The following TAX1BP1 variants were observed in gnomAD, a reference collection of about 807,000 sequenced individuals.
The protein encoded by TAX1BP1 is Tax1 binding protein 1, also known as tax1-binding protein 1.
A neutral mutation model predicts 97.7 loss-of-function variants in TAX1BP1; 62 were observed. That is an observed-to-expected ratio of 0.63 (90% CI 0.52 to 0.78). TAX1BP1 has a LOEUF of 0.78. TAX1BP1 is among the 30% of genes least tolerant of loss of function. The pLI is 0.00. For synonymous variants in TAX1BP1, 340 were observed against 304.2 expected (o/e 1.12, Z -1.23); for missense variants, 867 against 916.1 (o/e 0.95, Z 0.69).
At chr7:27,782,117 T>C (rs1166582985) in intron 5 of TAX1BP1, among the ~76,000 whole-genome samples, 1 of 152,236 alleles carries the variant, frequency 6.6e-6, no homozygotes, top group African/African-American at 2.4e-5. Flanking sequence ...TTGATTCTTT[T>C]GAAATAACAT....
chr7:27,756,644 A>C (rs1037781759), intron 2 of TAX1BP1, among the ~76,000 whole-genome samples: 1 of 152,152 alleles, frequency 6.6e-6, no homozygotes, highest in African/African-American at 2.4e-5. Context: ...CTATGCTCTT[A>C]GTTATTACAA....
intron 3 of TAX1BP1, among the ~76,000 whole-genome samples, chr7:27,760,433 C>G (rs1788381239): frequency 6.8e-6 from 1 of 147,244 alleles, no homozygotes; most frequent in African/African-American, 2.5e-5. Flanking sequence ...TGCTCTGTCT[C>G]CCAGGCTGGA....
At chr7:27,774,398 G>A (rs984842975) in intron 5 of TAX1BP1, among the ~76,000 whole-genome samples, 1 of 152,090 alleles carries the variant, frequency 6.6e-6, no homozygotes, top group Non-Finnish European at 1.5e-5. Context: ...AAGTGGCAAA[G>A]TTGAGAACCT....
intron 15 of TAX1BP1, among the ~76,000 whole-genome samples, chr7:27,821,990 C>T (rs1790995686): frequency 6.6e-6 from 1 of 152,196 alleles, no homozygotes; most frequent in Non-Finnish European, 1.5e-5. Context: ...TTTTAGCATG[C>T]ATCCATGTTT....
rs1790070326 is a variant in TAX1BP1 at position 27,799,981 on chromosome 7, G to A, written c.1655G>A (p.Cys552Tyr). Residue 552 changes from cysteine (C) to tyrosine (Y), a missense_variant, in exon 13 of 17, where the codon TGC (cysteine) becomes TAC (tyrosine). This residue lies in a region of TAX1BP1 where 822 missense variants were observed against 851.4 expected (regional missense o/e 0.97). Coordinates refer to ENST00000396319, the MANE Select transcript of TAX1BP1 (RefSeq NM_006024.7). ...TTCATTTAGGATGAGAAAGCAAAAT[G>A]CAATAAATATGCTGATGAACTTGCA... ...KQLLQDEKAKCNKYADELAKM... is the reference protein window; with the variant it reads ...KQLLQDEKAKYNKYADELAKM... 1 of 1,595,374 alleles carries A rather than the reference G, an allele frequency of 6.3e-7. No individual in the cohort carries two copies. Among genetic ancestry groups the A allele is most frequent in the African/African-American group, 1.4e-5 (1 of 74,072 alleles).
At chr7:27,781,693 G>C (rs980718827) in intron 5 of TAX1BP1, among the ~76,000 whole-genome samples, 4 of 151,902 alleles carry the variant, frequency 2.6e-5, no homozygotes, top group Admixed American at 6.6e-5. Context: ...TGTATACTTA[G>C]ACTACACTAA....
Position 27,828,768 on chromosome 7 carries a change from A to G in TAX1BP1, c.2309A>G (p.Gln770Arg). The G allele has an allele frequency of 6.2e-7, 1 of 1,613,890 alleles. No homozygotes were observed. Among genetic ancestry groups the G allele is most frequent in the Non-Finnish European group, 8.5e-7 (1 of 1,179,912 alleles). ...GAGCAGTTCCCTCCTGACTATGACC[A>G]GCAGGTGTTTGAAAGGCATGTGCAG... Reference protein sequence around the residue: ...CSEQFPPDYDQQVFERHVQTH... With the variant: ...CSEQFPPDYDRQVFERHVQTH... The change falls in exon 17 of 17, where the codon CAG becomes CGG. Residue 770 changes from glutamine to arginine, a missense_variant. Gln to Arg is a conservative substitution (Grantham distance 43). Around this residue, in one of 3 missense-constraint regions of TAX1BP1, gnomAD observed 34 missense variants for 33.2 expected, o/e 1.02. Transcript: ENST00000396319.
chr7:27,777,473 T>C (rs1267455040), intron 5 of TAX1BP1, among the ~76,000 whole-genome samples: 3 of 152,198 alleles, frequency 2.0e-5, no homozygotes. Flanking sequence ...CTCTGGCTGG[T>C]AGGAATAACC....
Position 27,765,950 on chromosome 7 carries a change from G to T in TAX1BP1, c.382G>T (p.Glu128Ter), listed in dbSNP as rs199836430. Residue 128 changes from glutamate (E) to a stop codon, truncating the protein, a stop_gained, in exon 4 of 17, where the codon GAG becomes TAG. Coordinates refer to ENST00000396319, the MANE Select transcript of TAX1BP1 (RefSeq NM_006024.7). LOFTEE classifies it high-confidence loss of function. ...FQFRASSPVE[E>*]LLTMEDEGNS... is the part of the protein sequence containing the mutation. ...GTTTCGAGCTTCTTCTCCAGTTGAA[G>T]AGCTGCTTACTATGGAAGATGAAGG... 4.0e-5 allele frequency: 64 copies of T among 1,614,062 alleles called. No individual in the cohort carries two copies. Among genetic ancestry groups the T allele is most frequent in the Non-Finnish European group, 8.5e-7 (1 of 1,180,048 alleles).
intron 8 of TAX1BP1, among the ~76,000 whole-genome samples, chr7:27,787,878 T>C (rs1583707355): frequency 2.0e-5 from 3 of 152,244 alleles, no homozygotes; most frequent in African/African-American, 7.2e-5. Context: ...GTCTCCCTTA[T>C]GAACAAGTGC....
chr7:27,783,273 G>C (rs898337584), intron 5 of TAX1BP1, among the ~76,000 whole-genome samples: 2 of 152,092 alleles, frequency 1.3e-5, no homozygotes, highest in African/African-American at 4.8e-5. Flanking sequence ...TTGTCTTTTA[G>C]ATTTTATCTT....
chr7:27,803,158 TG>T lies in TAX1BP1; in HGVS notation c.1764+3070del, dbSNP rs764668561. 6.5e-6 allele frequency: 10 copies of T among 1,548,032 alleles called. No individual in the cohort carries two copies. In the South Asian group the frequency reaches 1.1e-4, roughly 17 times the overall value. ...GAAATAAGTGGTCTGATTTCACATTTGGAAAACCTCTCCAGGGAGAAGGTAT... is the reference window on the plus strand; with the variant it reads ...GAAATAAGTGGTCTGATTTCACATTTGAAAACCTCTCCAGGGAGAAGGTAT... On this transcript the variant is annotated intron_variant, in intron 13 of 16. Coordinates refer to ENST00000396319, the MANE Select transcript of TAX1BP1 (RefSeq NM_006024.7).
chr7:27,743,077 G>T (rs1583658825), intron 1 of TAX1BP1, among the ~76,000 whole-genome samples: 1 of 152,084 alleles, frequency 6.6e-6, no homozygotes, highest in South Asian at 2.1e-4. Context: ...ACCCTAATAT[G>T]TGTGGGCCAA....
intron 15 of TAX1BP1, among the ~76,000 whole-genome samples, chr7:27,822,464 C>T (rs1791014413): frequency 6.6e-6 from 1 of 152,160 alleles, no homozygotes; most frequent in Admixed American, 6.5e-5. Context: ...GATTGTTTTC[C>T]CCAGTGGCTG....
At position 27,792,240 on chromosome 7, in the gene TAX1BP1, G is replaced by A. The variant is rs1789745987; in HGVS notation, c.1263+10G>A. ...TATGAAAAAAGATCAGGTAAAACAA[G>A]TTAATTTTGAATTTGCATTTTGATT... On this transcript the variant is annotated intron_variant, in intron 9 of 16. Transcript: ENST00000396319. 4 of 1,585,344 alleles carry A rather than the reference G, an allele frequency of 2.5e-6. No individual in the cohort carries two copies. Among genetic ancestry groups the A allele is most frequent in the Non-Finnish European group, 3.4e-6 (4 of 1,164,144 alleles).
At chr7:27,805,139 CA>C (rs1562734777) in intron 13 of TAX1BP1, among the ~76,000 whole-genome samples, 1 of 152,176 alleles carries the variant, frequency 6.6e-6, no homozygotes, top group African/African-American at 2.4e-5. Flanking sequence ...TTTCCACCAG[CA>C]ATGTATGAGA....
At chr7:27,815,154 G>A (rs1790719067) in intron 13 of TAX1BP1, among the ~76,000 whole-genome samples, 1 of 151,996 alleles carries the variant, frequency 6.6e-6, no homozygotes, top group African/African-American at 2.4e-5. Flanking sequence ...TTGATCCACT[G>A]GCTATTTTGA....
intron 15 of TAX1BP1, among the ~76,000 whole-genome samples, chr7:27,817,520 A>T (rs115280173): frequency 8.9e-4 from 136 of 152,332 alleles, no homozygotes; most frequent in African/African-American, 3.2e-3. Context: ...AAGTGTATGT[A>T]TCATATAGTG....
At chr7:27,782,640 T>G (rs1316064496) in intron 5 of TAX1BP1, among the ~76,000 whole-genome samples, 3 of 152,228 alleles carry the variant, frequency 2.0e-5, no homozygotes, top group Admixed American at 6.5e-5. Flanking sequence ...GTATTATAGT[T>G]GATTTCAAAA....
Sources: gnomAD v4.1 joint callset for allele counts (sites outside exome capture counted in the v4.1 genomes callset) on GRCh38, gnomAD v4.1.1 for gene constraint, gnomAD v4.1.1 regional missense constraint, MANE v1.5 for transcripts, NCBI Gene and HGNC (gene_info 2026-07-23, HGNC 2026-07-21) for gene names.